The following MAGI1 variants were observed in gnomAD, a reference collection of about 807,000 sequenced individuals.
MAGI1 encodes membrane-associated guanylate kinase, WW and PDZ domain-containing protein 1.
In MAGI1, 58 loss-of-function variants were observed where a neutral mutation model predicts 139.9. That is an observed-to-expected ratio of 0.41 (90% CI 0.34 to 0.52). The LOEUF (loss-of-function observed/expected upper bound fraction) is 0.52, where lower values mean the gene tolerates loss of function less well. Among genes scored for constraint, MAGI1 ranks in the 20% least tolerant of loss-of-function variants. The pLI, the probability that MAGI1 is intolerant of heterozygous loss-of-function variation, is 0.12. For missense variants in MAGI1, 1,874 were observed against 1,901.6 expected (o/e 0.99, Z 0.27); for synonymous variants, 812 against 737.9 (o/e 1.10, Z -1.63).
rs151284947 is a variant in MAGI1 at position 65,863,640 on chromosome 3, T to C, written c.313+174356A>G. Among the ~76,000 whole-genome samples the C allele has an allele frequency of 1.1e-3, 163 of 152,258 alleles. 2 individuals are homozygous for C. The highest frequency in any genetic ancestry group is 8.3e-3 in the South Asian group (40 of 4,822). On this transcript the variant is annotated intron_variant, in intron 1 of 22. Transcript: ENST00000402939. The stretch of plus-strand genomic sequence containing the variant: ...GACATAAGAAAGACAAATGAGAACG[T>C]TGGCAAATTCAGACAGATCCACTCT...
chr3:65,733,034 T>C (rs2034344046), intron 1 of MAGI1, among the ~76,000 whole-genome samples: 1 of 152,126 alleles, frequency 6.6e-6, no homozygotes, highest in African/African-American at 2.4e-5. Context: ...TTGTTTTTTC[T>C]GTCATTGTTG....
intron 10 of MAGI1, among the ~76,000 whole-genome samples, chr3:65,432,129 C>A (rs1429126706): frequency 4.6e-5 from 7 of 152,188 alleles, no homozygotes; most frequent in African/African-American, 1.7e-4. Context: ...AAAACGTTTT[C>A]TTTTGGGTTT....
chr3:65,947,639 C>T (rs1308545145), intron 1 of MAGI1, among the ~76,000 whole-genome samples: 1 of 152,084 alleles, frequency 6.6e-6, no homozygotes, highest in African/African-American at 2.4e-5. Flanking sequence ...TTTTCTGAGA[C>T]GGGGTCTCGG....
intron 2 of MAGI1, among the ~76,000 whole-genome samples, chr3:65,597,136 G>C (rs901019994): frequency 6.6e-6 from 1 of 151,920 alleles, no homozygotes; most frequent in Non-Finnish European, 1.5e-5. Flanking sequence ...ACACCTGCTG[G>C]AGCCTATTAA....
At chr3:65,760,119 C>G (rs1388798370) in intron 1 of MAGI1, among the ~76,000 whole-genome samples, 10 of 151,948 alleles carry the variant, frequency 6.6e-5, no homozygotes, top group Admixed American at 6.6e-4. Context: ...ACCACTGTTA[C>G]TATGATTGTT....
Position 65,356,848 on chromosome 3 carries a change from C to G in MAGI1, c.3919G>C (p.Ala1307Pro). 6.2e-7 allele frequency: 1 copy of G among 1,613,766 alleles called. No homozygotes were observed. Among genetic ancestry groups the G allele is most frequent in the Non-Finnish European group, 8.5e-7 (1 of 1,179,750 alleles). The change falls in exon 23 of 23, where the codon GCG (alanine) becomes CCG (proline). Residue 1307 changes from alanine (A) to proline (P), a missense_variant. Transcript: ENST00000402939. Reference protein sequence around the residue: ...KDRAPEGRRDAQAERAAAANG... With the variant: ...KDRAPEGRRDPQAERAAAANG... ...GCGGCTGCCGCGCGCTCGGCCTGCG[C>G]GTCCCTCCGTCCCTCCGGCGCCCGG... is the stretch of plus-strand genomic sequence containing the variant.
intron 1 of MAGI1, among the ~76,000 whole-genome samples, chr3:65,929,719 G>C (rs1478169259): frequency 6.6e-6 from 1 of 151,746 alleles, no homozygotes; most frequent in Admixed American, 6.6e-5. Flanking sequence ...AGACCCTTTC[G>C]GGGCACAAAA....
At chr3:65,609,355 G>A (rs1050260467) in intron 2 of MAGI1, among the ~76,000 whole-genome samples, 4 of 150,880 alleles carry the variant, frequency 2.7e-5, no homozygotes, top group Non-Finnish European at 4.4e-5. Context: ...TTGACTCACT[G>A]CAACCTCTGC....
At chr3:65,647,142 A>C (rs1184180789) in intron 1 of MAGI1, among the ~76,000 whole-genome samples, 2 of 152,132 alleles carry the variant, frequency 1.3e-5, no homozygotes, top group Admixed American at 1.3e-4. Flanking sequence ...GGGAAAAACC[A>C]ACTTAAGACA....
intron 1 of MAGI1, among the ~76,000 whole-genome samples, chr3:66,013,813 G>A (rs1241127891): frequency 3.3e-5 from 5 of 151,184 alleles, no homozygotes; most frequent in Non-Finnish European, 5.9e-5. Flanking sequence ...CTAGGTATTT[G>A]AAAAAGCATG....
chr3:65,461,215 A>C (rs562170889), intron 5 of MAGI1, among the ~76,000 whole-genome samples: 1 of 151,802 alleles, frequency 6.6e-6, no homozygotes, highest in East Asian at 1.9e-4. Flanking sequence ...CTTTTTATTT[A>C]TTTATTTATT....
At chr3:65,861,475 G>A (rs1438423690) in intron 1 of MAGI1, among the ~76,000 whole-genome samples, 1 of 152,070 alleles carries the variant, frequency 6.6e-6, no homozygotes, top group African/African-American at 2.4e-5. Context: ...TGCAGAAAAA[G>A]TATTACCCCT....
chr3:65,922,842 C>G (rs989680292), intron 1 of MAGI1, among the ~76,000 whole-genome samples: 1 of 152,216 alleles, frequency 6.6e-6, no homozygotes, highest in Non-Finnish European at 1.5e-5. Context: ...ATAATAACCA[C>G]TGGCGTATTT....
At chr3:65,990,055 G>C (rs576198763) in intron 1 of MAGI1, among the ~76,000 whole-genome samples, 1 of 152,166 alleles carries the variant, frequency 6.6e-6, no homozygotes, top group Non-Finnish European at 1.5e-5. Flanking sequence ...AAAGTCTAGA[G>C]ATCTGATGAT....
At chr3:65,964,980 AG>A (rs1187200857) in intron 1 of MAGI1, among the ~76,000 whole-genome samples, 4 of 152,362 alleles carry the variant, frequency 2.6e-5, no homozygotes, top group African/African-American at 9.6e-5. Context: ...GATGATGCCA[AG>A]GACTCTTTCA....
chr3:65,508,805 T>C (rs911847627), intron 2 of MAGI1, among the ~76,000 whole-genome samples: 8 of 152,248 alleles, frequency 5.3e-5, no homozygotes, highest in Non-Finnish European at 4.4e-5. Flanking sequence ...TTTTGTTTCA[T>C]GTGTATTAAG....
intron 2 of MAGI1, among the ~76,000 whole-genome samples, chr3:65,604,526 G>A (rs961154876): frequency 1.3e-5 from 2 of 152,058 alleles, no homozygotes; most frequent in African/African-American, 4.8e-5. Flanking sequence ...TGTGGAATAC[G>A]ATGACTTTCA....
At chr3:65,453,636 T>C (rs1310352842) in intron 5 of MAGI1, among the ~76,000 whole-genome samples, 1 of 152,188 alleles carries the variant, frequency 6.6e-6, no homozygotes, top group Non-Finnish European at 1.5e-5. Context: ...CCCTTGCGTA[T>C]ACCATCTACC....
rs562279477 is a variant in MAGI1, at chr3:65,478,698, C to A, written c.651G>T (p.Ser217=). The change falls in exon 4 of 23, where the codon TCG becomes TCT. Residue 217 remains serine, a synonymous_variant. Transcript: ENST00000402939. ...LHSLQSGSKQ[S]TPKRTKSYND... ...TGTAGGACTTGGTTCGCTTCGGGGT[C>A]GACTGCTTAGAGCCAGACTGAAGGC... The A allele has an allele frequency of 4.3e-6, 7 of 1,613,990 alleles. No individual in the cohort carries two copies. The African/African-American group carries it at 9.3e-5, about 22-fold the overall frequency.
Sources: allele counts gnomAD v4.1 joint callset (sites outside exome capture counted in the v4.1 genomes callset), GRCh38; gene constraint gnomAD v4.1.1; transcripts MANE v1.5; gene names NCBI Gene and HGNC (gene_info 2026-07-23, HGNC 2026-07-21).